Variants in ANO4 observed in about 807,000 individuals in gnomAD.
The protein encoded by ANO4 is anoctamin-4.
ANO4 carries 69 observed loss-of-function variants against 141.9 expected under a neutral mutation model. The observed-to-expected ratio is 0.49, with a 90% CI of 0.40 to 0.59. The LOEUF is 0.59. ANO4 is among the 20% of genes least tolerant of loss of function. The pLI, the probability that ANO4 is intolerant of heterozygous loss-of-function variation, is 0.00. For synonymous variants in ANO4, 350 were observed against 394.3 expected (o/e 0.89, Z 1.33); for missense variants, 894 against 1,162.2 (o/e 0.77, Z 3.36).
chr12:101,086,941 G>T, intron 17 of ANO4, 117 bp downstream of exon 17: 1 of 1,206,180 alleles, frequency 8.3e-7, no homozygotes, highest in Admixed American at 2.7e-5. Flanking sequence ...ACATAGCACT[G>T]ATGTCCTGGC....
chr12:101,032,931 C>G (rs1216054200), intron 9 of ANO4, among the ~76,000 whole-genome samples: 1 of 151,052 alleles, frequency 6.6e-6, no homozygotes, highest in Non-Finnish European at 1.5e-5. Flanking sequence ...GGATCTAGAA[C>G]TAGAAATACC....
chr12:100,855,972 A>T (rs1306588871), intron 1 of ANO4, among the ~76,000 whole-genome samples: 2 of 152,196 alleles, frequency 1.3e-5, no homozygotes, highest in Non-Finnish European at 2.9e-5. Context: ...AATTTTATAG[A>T]AGAACTTGTA....
intron 5 of ANO4, 53 bp from the exon 6 acceptor site, chr12:100,971,253 A>G: frequency 7.5e-7 from 1 of 1,341,478 alleles, no homozygotes; most frequent in Non-Finnish European, 1.1e-6. Context: ...CTCAACTTAA[A>G]CTGTGGGAGC....
chr12:101,027,396 A>G (rs1391556976), intron 9 of ANO4, among the ~76,000 whole-genome samples: 3 of 152,146 alleles, frequency 2.0e-5, no homozygotes, highest in African/African-American at 7.2e-5. Context: ...TGCCTAAGCC[A>G]TTTGAGCTCC....
intron 8 of ANO4, among the ~76,000 whole-genome samples, chr12:101,011,794 A>G (rs896771595): frequency 6.6e-6 from 1 of 152,164 alleles, no homozygotes; most frequent in African/African-American, 2.4e-5. Flanking sequence ...ACATGCCTTA[A>G]ATTTTTAGAT....
At chr12:100,824,030 C>T (rs2036198945) in intron 1 of ANO4, among the ~76,000 whole-genome samples, 2 of 151,866 alleles carry the variant, frequency 1.3e-5, no homozygotes, top group South Asian at 4.2e-4. Context: ...TCTAATGTTG[C>T]TTGAGCATTT....
At chr12:100,826,234 GA>G (rs2036330934) in intron 1 of ANO4, among the ~76,000 whole-genome samples, 1 of 151,908 alleles carries the variant, frequency 6.6e-6, no homozygotes, top group African/African-American at 2.4e-5. Flanking sequence ...TCAGAAAGCA[GA>G]TTTTCTGAAA....
upstream of ANO4, among the ~76,000 whole-genome samples, chr12:100,793,255 C>G (rs1245093882): frequency 6.6e-6 from 1 of 152,250 alleles, no homozygotes; most frequent in African/African-American, 2.4e-5. Flanking sequence ...GAATCAAAGT[C>G]TCCCAGGTTT....
At chr12:100,751,431 A>G (rs577656813) in intron 3 of ANO4, among the ~76,000 whole-genome samples, 65 of 152,260 alleles carry the variant, frequency 4.3e-4, no homozygotes, top group Non-Finnish European at 8.1e-4. Flanking sequence ...TCTCTCCAGC[A>G]AAGAGGCACC....
chr12:100,727,242 G>A (rs1311726961), intron 1 of ANO4, among the ~76,000 whole-genome samples: 2 of 152,144 alleles, frequency 1.3e-5, no homozygotes, highest in South Asian at 2.1e-4. Flanking sequence ...TCTTGCCCAA[G>A]CAATCAGTTA....
At chr12:101,092,505 CAT>C (rs1221576543) in intron 17 of ANO4, among the ~76,000 whole-genome samples, 6 of 152,108 alleles carry the variant, frequency 3.9e-5, no homozygotes, top group African/African-American at 9.7e-5. Context: ...AGAAACCACT[CAT>C]GTGGAGATCT....
chr12:101,021,172 C>A (rs1480724665), intron 9 of ANO4, among the ~76,000 whole-genome samples: 1 of 152,088 alleles, frequency 6.6e-6, no homozygotes, highest in Non-Finnish European at 1.5e-5. Context: ...AGAAATCTGC[C>A]CTCTGGAGTA....
At chr12:101,038,369 T>C (rs1270642718) in intron 10 of ANO4, 2 of 150,524 alleles carry the variant, frequency 1.3e-5, no homozygotes, top group East Asian at 2.0e-4. Flanking sequence ...GTATGGGCTG[T>C]GTCTGATATG....
intron 3 of ANO4, among the ~76,000 whole-genome samples, chr12:100,934,866 G>A (rs1352690975): frequency 6.6e-6 from 1 of 152,140 alleles, no homozygotes; most frequent in Non-Finnish European, 1.5e-5. Flanking sequence ...GTGAATGGGA[G>A]TTCAGTCACG....
rs571512190 is a variant in ANO4, at chr12:101,069,234, G to T, written c.1313-9959G>T. 6.4e-5 allele frequency: 79 copies of T among 1,232,988 alleles called. No homozygotes were observed. The East Asian group carries it at 1.4e-3, about 22-fold the overall frequency. 76.4% of individuals were successfully genotyped at this position (1,232,988 alleles called of 1,614,324 possible). ...TGTATTGACTTGTTCAAGAATAACT[G>T]ATATGCCTTCACTCTGAAGAAAAGA... On this transcript the variant is annotated intron_variant, in intron 14 of 27. Coordinates refer to ENST00000392977, the MANE Select transcript of ANO4 (RefSeq NM_001286615.2).
At chr12:100,846,085 T>C (rs1363401316) in intron 1 of ANO4, among the ~76,000 whole-genome samples, 1 of 152,236 alleles carries the variant, frequency 6.6e-6, no homozygotes, top group Non-Finnish European at 1.5e-5. Context: ...TTATAAGACA[T>C]TGATCTTGTA....
chr12:101,127,527 G>A (rs775118683), intron 27 of ANO4, among the ~76,000 whole-genome samples: 1 of 152,168 alleles, frequency 6.6e-6, no homozygotes, highest in Non-Finnish European at 1.5e-5. Flanking sequence ...TGCAGGACCA[G>A]TAACTGATGA....
At chr12:101,066,929 A>G (rs2048613705) in intron 14 of ANO4, 2 of 790,404 alleles carry the variant, frequency 2.5e-6, no homozygotes, top group Admixed American at 1.7e-5. Flanking sequence ...GTTTTCTGTT[A>G]CAAGGCAACA....
At chr12:100,826,452 A>G (rs548935577) in intron 1 of ANO4, among the ~76,000 whole-genome samples, 1 of 152,150 alleles carries the variant, frequency 6.6e-6, no homozygotes, top group South Asian at 2.1e-4. Flanking sequence ...CACTAACCGT[A>G]TTCATGGATG....
Sources: allele counts gnomAD v4.1 joint callset (sites outside exome capture counted in the v4.1 genomes callset), GRCh38; gene constraint gnomAD v4.1.1; transcripts MANE v1.5; gene names NCBI Gene and HGNC (gene_info 2026-07-23, HGNC 2026-07-21).